Variants in SCAF11 observed in about 807,000 individuals in gnomAD.
SCAF11 encodes protein SCAF11.
SCAF11 carries 47 observed loss-of-function variants against 140.5 expected under a neutral mutation model. The observed-to-expected ratio is 0.33, with a 90% CI of 0.26 to 0.43. The LOEUF is 0.43. Among genes scored for constraint, SCAF11 ranks in the 20% least tolerant of loss-of-function variants. SCAF11 has a pLI of 1.00. For missense variants in SCAF11, 1,645 were observed against 1,705.1 expected (o/e 0.96, Z 0.62); for synonymous variants, 557 against 579.4 (o/e 0.96, Z 0.55).
intron 10 of SCAF11, chr12:45,929,403 C>T (rs539120004): frequency 1.4e-4 from 22 of 152,432 alleles, no homozygotes. Context: ...AGTGATCTGC[C>T]TGCCTCGGCC....
chr12:45,932,179 C>T (rs1293191984), intron 9 of SCAF11, among the ~76,000 whole-genome samples: 1 of 152,076 alleles, frequency 6.6e-6, no homozygotes, highest in African/African-American at 2.4e-5. Context: ...ATTTATACCA[C>T]TATGTTATAT....
At chr12:45,972,611 AAAAAAC>A (rs1224796211) in intron 1 of SCAF11, among the ~76,000 whole-genome samples, 304 of 149,350 alleles carry the variant, frequency 2.0e-3, no homozygotes, top group African/African-American at 7.1e-3. Context: ...AAAAAAATCC[AAAAAAC>A]AAAAACAAAA....
intron 1 of SCAF11, among the ~76,000 whole-genome samples, chr12:45,987,098 T>G (rs1458922483): frequency 6.6e-6 from 1 of 152,166 alleles, no homozygotes; most frequent in East Asian, 1.9e-4. Flanking sequence ...TGGTGGTTCA[T>G]TCCTGTAATC....
chr12:45,958,098 T>A (rs958687927), intron 3 of SCAF11, among the ~76,000 whole-genome samples: 2 of 151,344 alleles, frequency 1.3e-5, no homozygotes, highest in African/African-American at 4.9e-5. Flanking sequence ...AGAGATGAGG[T>A]CTCACCATGT....
At position 45,934,478 on chromosome 12, in the gene SCAF11, C is replaced by A; in HGVS notation, c.491G>T (p.Gly164Val). ...TATCTTTATTGCTGCATTTTTCTTT[C>A]CTCCTGTTTCACTGTATAAAGAGTT... ...HRNSLYSETGGKKNAAIKINK... is the reference protein window; with the variant it reads ...HRNSLYSETGVKKNAAIKINK... The change falls in exon 7 of 15, where the codon GGA becomes GTA. Residue 164 changes from glycine (G) to valine (V), a missense_variant. By Grantham distance (109) the Gly-to-Val change is moderately radical (BLOSUM62 -3). Coordinates refer to ENST00000369367, the MANE Select transcript of SCAF11 (RefSeq NM_004719.3). 6.3e-7 allele frequency: 1 copy of A among 1,593,248 alleles called. No individual in the cohort carries two copies. The highest frequency in any genetic ancestry group is 1.2e-5 in the South Asian group (1 of 85,470).
intron 1 of SCAF11, among the ~76,000 whole-genome samples, chr12:45,983,705 G>T (rs1251309004): frequency 1.4e-5 from 2 of 147,554 alleles, no homozygotes; most frequent in Non-Finnish European, 3.0e-5. Context: ...AGGACAACCA[G>T]AGTTCAAAAC....
At chr12:45,931,463 TA>T in intron 10 of SCAF11, 42 bp downstream of exon 10, 1 of 1,027,492 alleles carries the variant, frequency 9.7e-7, no homozygotes, top group East Asian at 3.2e-5. Flanking sequence ...AAGAAACTAA[TA>T]ATAATAATTT....
chr12:45,989,693 A>C (rs1946543138), intron 1 of SCAF11, among the ~76,000 whole-genome samples: 1 of 152,224 alleles, frequency 6.6e-6, no homozygotes. Flanking sequence ...CGTAGTTGTC[A>C]GCCCAGGTAG....
intron 1 of SCAF11, among the ~76,000 whole-genome samples, chr12:45,983,742 A>AACACACACACACACACAC (rs55655357): frequency 2.5e-4 from 34 of 133,904 alleles, no homozygotes; most frequent in Non-Finnish European, 4.0e-4. Flanking sequence ...CTAAACCTAA[A>AACACACACACACACACAC]ACACACACAC....
chr12:45,972,046 C>T (rs756734333), intron 1 of SCAF11, among the ~76,000 whole-genome samples: 5 of 152,126 alleles, frequency 3.3e-5, no homozygotes, highest in Non-Finnish European at 5.9e-5. Context: ...GAACTCCTAA[C>T]TCACCCAAGC....
At position 45,920,010 on chromosome 12, in the gene SCAF11, AAAC is replaced by A. The variant is rs1436072280; in HGVS notation, c.*2035_*2037del. 1.3e-5 allele frequency: 2 copies of A among 152,216 alleles called. No homozygotes were observed. Among genetic ancestry groups the A allele is most frequent in the Non-Finnish European group, 2.9e-5 (2 of 68,034 alleles). 9.4% of individuals were successfully genotyped at this position (152,216 alleles called of 1,614,324 possible). On this transcript the variant is annotated 3_prime_UTR_variant, in exon 15 of 15. Coordinates refer to ENST00000369367, the MANE Select transcript of SCAF11 (RefSeq NM_004719.3). ...AAATTGTTTCTAGAGTTCTAATCTA[AAAC>A]AACTAAGGAGGTGTGCCTTGATATT...
chr12:45,945,182 T>C, intron 6 of SCAF11, 67 bp downstream of exon 6: 1 of 923,100 alleles, frequency 1.1e-6, no homozygotes, highest in Non-Finnish European at 1.7e-6. Flanking sequence ...ATGAGAACTC[T>C]GACACAACCA....
At chr12:45,984,618 C>T (rs1338330839) in intron 1 of SCAF11, among the ~76,000 whole-genome samples, 1 of 151,832 alleles carries the variant, frequency 6.6e-6, no homozygotes, top group African/African-American at 2.4e-5. Context: ...TTATTTATTC[C>T]GAGATTATCT....
chr12:45,945,304 G>C lies in SCAF11; in HGVS notation c.408C>G (p.Ala136=). ...CACTTAATAGATCTTCTCTTACGAT[G>C]GCTTTTCTTCTGTAAACATCAATAA... The part of the protein sequence containing the change: ...ENSKSCIRRK[A]IVREDLLSAK... Residue 136 remains alanine (A), a synonymous_variant, in exon 6 of 15, where the codon GCC becomes GCG. Transcript: ENST00000369367. The C allele has an allele frequency of 6.4e-7, 1 of 1,564,698 alleles. No individual in the cohort carries two copies. The highest frequency in any genetic ancestry group is 8.7e-7 in the Non-Finnish European group (1 of 1,151,026).
rs1054281753 is a variant in SCAF11 at position 45,921,748 on chromosome 12, C to CA, written c.*299dup. 4.4e-5 allele frequency: 10 copies of CA among 224,992 alleles called. No homozygotes were observed. Among genetic ancestry groups the CA allele is most frequent in the African/African-American group, 2.1e-4 (9 of 43,830 alleles). 13.9% of individuals were successfully genotyped at this position (224,992 alleles called of 1,614,324 possible). A position where few individuals can be genotyped will look rare whatever the true frequency, so the allele number is the denominator to read the frequency against. ...AATTTATGCACTCCATTGCCCTAATCAAAAAGCTATACATTTTCCAGTATC... is the reference window on the plus strand; with the variant it reads ...AATTTATGCACTCCATTGCCCTAATCAAAAAAGCTATACATTTTCCAGTATC... On this transcript the variant is annotated 3_prime_UTR_variant, in exon 15 of 15. Coordinates refer to ENST00000369367, the MANE Select transcript of SCAF11 (RefSeq NM_004719.3).
intron 6 of SCAF11, among the ~76,000 whole-genome samples, chr12:45,937,328 T>C (rs1945193718): frequency 6.6e-6 from 1 of 152,194 alleles, no homozygotes; most frequent in South Asian, 2.1e-4. Flanking sequence ...TCTTAAATAT[T>C]ATTTTTCTTG....
chr12:45,928,449 C>T lies in SCAF11; in HGVS notation c.1252G>A (p.Val418Met), dbSNP rs1489307442. ...EETAESDTSPVLEKEHQPDVD... is the reference protein window; with the variant it reads ...EETAESDTSPMLEKEHQPDVD... Reference sequence around the variant, plus strand: ...TCTGGTTGGTGCTCTTTTTCTAACACAGGTGATGTGTCAGATTCTGCTGTT... The same window carrying T: ...TCTGGTTGGTGCTCTTTTTCTAACATAGGTGATGTGTCAGATTCTGCTGTT... Residue 418 changes from valine to methionine, a missense_variant, in exon 11 of 15, where the codon GTG becomes ATG. Coordinates refer to ENST00000369367, the MANE Select transcript of SCAF11 (RefSeq NM_004719.3). 2 of 1,612,452 alleles carry T rather than the reference C, an allele frequency of 1.2e-6. No homozygotes were observed. Among genetic ancestry groups the T allele is most frequent in the African/African-American group, 1.3e-5 (1 of 74,862 alleles).
At chr12:45,957,146 T>C (rs1001739991) in intron 3 of SCAF11, among the ~76,000 whole-genome samples, 1 of 152,206 alleles carries the variant, frequency 6.6e-6, no homozygotes, top group African/African-American at 2.4e-5. Context: ...TTAGTGGTAC[T>C]ACACAGGTAC....
At chr12:45,930,317 G>A (rs1373240970) in intron 10 of SCAF11, among the ~76,000 whole-genome samples, 1 of 152,096 alleles carries the variant, frequency 6.6e-6, no homozygotes, top group African/African-American at 2.4e-5. Flanking sequence ...TTACAGTATT[G>A]CACTAAACAC....
Sources: allele counts gnomAD v4.1 joint callset (sites outside exome capture counted in the v4.1 genomes callset), GRCh38; gene constraint gnomAD v4.1.1; transcripts MANE v1.5; gene names NCBI Gene and HGNC (gene_info 2026-07-23, HGNC 2026-07-21).